NFE2L2: variants seen among roughly 807,000 people sequenced by gnomAD.
The protein encoded by NFE2L2 is nuclear factor erythroid 2-related factor 2.
NFE2L2 carries 20 observed loss-of-function variants against 49.6 expected under a neutral mutation model. That is an observed-to-expected ratio of 0.40 (90% CI 0.28 to 0.59). NFE2L2 has a LOEUF of 0.59. Among genes scored for constraint, NFE2L2 ranks in the 20% least tolerant of loss-of-function variants. The pLI is 0.40. For synonymous variants in NFE2L2, 244 were observed against 256.5 expected (o/e 0.95, Z 0.47); for missense variants, 578 against 714.2 (o/e 0.81, Z 2.17).
At chr2:177,251,302 C>T (rs1690328804) in intron 1 of NFE2L2, among the ~76,000 whole-genome samples, 1 of 152,208 alleles carries the variant, frequency 6.6e-6, no homozygotes, top group African/African-American at 2.4e-5. Flanking sequence ...CAGCTCAGTT[C>T]CTGTTTGGAT....
Position 177,249,090 on chromosome 2 carries a change from C to T in NFE2L2, c.46-14819G>A, listed in dbSNP as rs13422804. On this transcript the variant is annotated intron_variant, in intron 1 of 4. Coordinates refer to ENST00000397062, the MANE Select transcript of NFE2L2 (RefSeq NM_006164.5). ...AAAAAAATAGCCAGGCGTGGTGGCG[C>T]GTACCTGTGGCCCCGGCTACTCAGA... 4.3e-3 allele frequency among the ~76,000 whole-genome samples: 650 copies of T among 151,866 alleles called. 4 individuals carry two copies. Among genetic ancestry groups the T allele is most frequent in the African/African-American group, 0.015 (612 of 41,418 alleles).
chr2:177,259,757 C>G (rs958831742), intron 1 of NFE2L2, among the ~76,000 whole-genome samples: 1 of 151,958 alleles, frequency 6.6e-6, no homozygotes, highest in Non-Finnish European at 1.5e-5. Flanking sequence ...ACAGTGAAAC[C>G]CCATCTCTAC....
chr2:177,253,766 A>C (rs895676433), intron 1 of NFE2L2, among the ~76,000 whole-genome samples: 1 of 152,236 alleles, frequency 6.6e-6, no homozygotes, highest in African/African-American at 2.4e-5. Context: ...ATGCTACCGG[A>C]AATAAAGTAC....
chr2:177,244,376 TG>T (rs1404555342), intron 1 of NFE2L2, among the ~76,000 whole-genome samples: 3 of 151,864 alleles, frequency 2.0e-5, no homozygotes, highest in African/African-American at 7.3e-5. Context: ...ACAAGATTAG[TG>T]TAAATACCCT....
intron 1 of NFE2L2, among the ~76,000 whole-genome samples, chr2:177,248,126 T>G (rs1265502520): frequency 6.6e-6 from 1 of 152,160 alleles, no homozygotes; most frequent in African/African-American, 2.4e-5. Context: ...GGTTTATAAA[T>G]GAGGATCCTG....
chr2:177,263,004 T>C (rs1015766277), intron 1 of NFE2L2, among the ~76,000 whole-genome samples: 2 of 152,226 alleles, frequency 1.3e-5, no homozygotes, highest in South Asian at 4.1e-4. Flanking sequence ...AACTTTACAA[T>C]AGATCTTTGG....
intron 1 of NFE2L2, among the ~76,000 whole-genome samples, chr2:177,236,147 T>C (rs1271800423): frequency 6.6e-6 from 1 of 152,278 alleles, no homozygotes; most frequent in Non-Finnish European, 1.5e-5. Context: ...CTTAGAGTTC[T>C]ATTACTTTCA....
chr2:177,251,143 A>T (rs1690324298), intron 1 of NFE2L2, among the ~76,000 whole-genome samples: 1 of 152,140 alleles, frequency 6.6e-6, no homozygotes, highest in Admixed American at 6.5e-5. Context: ...AAAAATGTAA[A>T]ACGTTCGGCT....
rs374093359 is a variant in NFE2L2, at chr2:177,231,624, C to G, written c.979G>C (p.Ala327Pro). ...CTTTCAGGGTGGTTTTGGTTGAAAG[C>G]TTTGCAAAGTGATAGATCAGAAACA... ...IDVSDLSLCKAFNQNHPESTA... is the reference protein window; with the variant it reads ...IDVSDLSLCKPFNQNHPESTA... Residue 327 changes from alanine to proline, a missense_variant, in exon 5 of 5, where the codon GCT becomes CCT. Around this residue, in one of 3 missense-constraint regions of NFE2L2, gnomAD observed 368 missense variants for 384.6 expected, o/e 0.96. Transcript: ENST00000397062. 2 of 1,614,176 alleles carry G rather than the reference C, an allele frequency of 1.2e-6. No individual in the cohort carries two copies. Among genetic ancestry groups the G allele is most frequent in the Non-Finnish European group, 1.7e-6 (2 of 1,180,034 alleles).
intron 1 of NFE2L2, chr2:177,263,447 AT>A: frequency 1.0e-6 from 1 of 985,484 alleles, no homozygotes; most frequent in Non-Finnish European, 1.2e-6. Flanking sequence ...ACATTTTGGA[AT>A]TGCAATTCTG....
chr2:177,240,714 A>G (rs537117868), intron 1 of NFE2L2, among the ~76,000 whole-genome samples: 2 of 152,302 alleles, frequency 1.3e-5, no homozygotes, highest in South Asian at 4.1e-4. Flanking sequence ...CCACTTTAAA[A>G]CAAACATCTT....
At chr2:177,240,878 C>T (rs1032904098) in intron 1 of NFE2L2, among the ~76,000 whole-genome samples, 1 of 152,136 alleles carries the variant, frequency 6.6e-6, no homozygotes, top group Admixed American at 6.5e-5. Context: ...ATAATACAAT[C>T]CCTGTCCTAA....
At chr2:177,235,411 C>T (rs776850666) in intron 1 of NFE2L2, among the ~76,000 whole-genome samples, 13 of 151,190 alleles carry the variant, frequency 8.6e-5, no homozygotes, top group Admixed American at 1.3e-4. Context: ...CACTCCAGCC[C>T]GGGCAACAAA....
intron 1 of NFE2L2, among the ~76,000 whole-genome samples, chr2:177,257,814 AG>A (rs1455163033): frequency 6.6e-6 from 1 of 152,196 alleles, no homozygotes; most frequent in African/African-American, 2.4e-5. Flanking sequence ...TGAGTATGCA[AG>A]GGATGTAGGT....
At chr2:177,235,436 CATAAATAA>C (rs1218483618) in intron 1 of NFE2L2, among the ~76,000 whole-genome samples, 2 of 151,726 alleles carry the variant, frequency 1.3e-5, no homozygotes, top group South Asian at 2.1e-4. Flanking sequence ...GACCCTGTCT[CATAAATAA>C]ATAAATAAAT....
At chr2:177,256,005 G>A (rs1235581387) in intron 1 of NFE2L2, 2 of 154,496 alleles carry the variant, frequency 1.3e-5, no homozygotes, top group East Asian at 1.9e-4. Context: ...TTACTTGCCA[G>A]AGGAAGTCAC....
chr2:177,233,511 G>T (rs1689632398), intron 2 of NFE2L2, 172 bp from the exon 3 acceptor site: 1 of 594,378 alleles, frequency 1.7e-6, no homozygotes, highest in Non-Finnish European at 2.9e-6. Context: ...CATGGGTTCA[G>T]ATCTTAGCTC....
At chr2:177,233,443 TAAGTA>T in intron 2 of NFE2L2, 104 bp from the exon 3 acceptor site, 1 of 865,748 alleles carries the variant, frequency 1.2e-6, no homozygotes, top group Non-Finnish European at 1.8e-6. Flanking sequence ...ATAATCAAGT[TAAGTA>T]AATATTTATC....
intron 1 of NFE2L2, among the ~76,000 whole-genome samples, chr2:177,253,627 G>C (rs1690417690): frequency 6.6e-6 from 1 of 152,116 alleles, no homozygotes; most frequent in African/African-American, 2.4e-5. Flanking sequence ...AAGATATATG[G>C]GGTTAGAGTT....
Sources: allele counts gnomAD v4.1 joint callset (sites outside exome capture counted in the v4.1 genomes callset), GRCh38; gene constraint gnomAD v4.1.1; regional missense constraint gnomAD v4.1.1; transcripts MANE v1.5; gene names NCBI Gene and HGNC (gene_info 2026-07-23, HGNC 2026-07-21).